GIT2: variants seen among roughly 807,000 people sequenced by gnomAD.
GIT2 encodes the protein ARF GTPase-activating protein GIT2.
In GIT2, 32 loss-of-function variants were observed where a neutral mutation model predicts 100.3. The observed-to-expected ratio is 0.32, with a 90% CI of 0.24 to 0.43. The LOEUF (loss-of-function observed/expected upper bound fraction) is 0.43, where lower values mean the gene tolerates loss of function less well. Ranked by LOEUF, GIT2 falls within the 20% of genes least tolerant of loss-of-function variation. GIT2 has a pLI of 1.00. For missense variants in GIT2, 737 were observed against 975.1 expected, an observed-to-expected ratio of 0.76 and a Z score of 3.25; for synonymous variants, 353 against 364.1, an observed-to-expected ratio of 0.97 and a Z score of 0.35.
intron 7 of GIT2, among the ~76,000 whole-genome samples, chr12:109,972,013 A>T (rs577614546): frequency 4.7e-4 from 50 of 107,098 alleles, no homozygotes; most frequent in Admixed American, 1.7e-3. Flanking sequence ...AAAAAAAAAT[A>T]TATATATATA....
At chr12:109,994,357 G>A (rs1450778131) in intron 1 of GIT2, among the ~76,000 whole-genome samples, 1 of 152,140 alleles carries the variant, frequency 6.6e-6, no homozygotes, top group Non-Finnish European at 1.5e-5. Context: ...CTTCAAAAAT[G>A]TTTGTGACTC....
Position 109,969,413 on chromosome 12 carries a change from T to C in GIT2, c.719-1910A>G, listed in dbSNP as rs372258807. ...AACTTCAGACCTCTGGTGATCCACC[T>C]GCCTTGGCCTCCCAAAGTGCTGGGA... On this transcript the variant is annotated intron_variant, in intron 7 of 19. Coordinates refer to ENST00000355312, the MANE Select transcript of GIT2 (RefSeq NM_057169.5). Among the ~76,000 whole-genome samples the C allele has an allele frequency of 1.6e-4, 24 of 152,310 alleles. 1 individual carries two copies. The highest frequency in any genetic ancestry group is 5.8e-4 in the African/African-American group (24 of 41,582).
At chr12:109,959,314 T>C (rs11069060) in intron 12 of GIT2, among the ~76,000 whole-genome samples, 28,566 of 151,956 alleles carry the variant, frequency 0.19, 4,941 homozygotes, top group African/African-American at 0.47. Flanking sequence ...GTGATCCACC[T>C]GCCTCGGCCT....
chr12:109,949,817 T>C (rs1055637692), intron 14 of GIT2, among the ~76,000 whole-genome samples: 4 of 152,242 alleles, frequency 2.6e-5, no homozygotes, highest in African/African-American at 9.6e-5. Flanking sequence ...AAAATCAGCA[T>C]GTTTCAGAAA....
chr12:109,995,964 G>A (rs375917675), intron 1 of GIT2: 68 of 474,536 alleles, frequency 1.4e-4, no homozygotes, highest in East Asian at 7.8e-4. Context: ...GAACGAGAGG[G>A]AAGGGAGGGC....
At chr12:109,982,657 T>A (rs1886541258) in intron 6 of GIT2, 1 of 151,108 alleles carries the variant, frequency 6.6e-6, no homozygotes, top group South Asian at 2.1e-4. Flanking sequence ...TTTTTTTTTT[T>A]TGAGACAGAG....
intron 12 of GIT2, among the ~76,000 whole-genome samples, chr12:109,957,546 G>A (rs1159088755): frequency 6.8e-6 from 1 of 146,572 alleles, no homozygotes; most frequent in Non-Finnish European, 1.5e-5. Context: ...TTGCTCTGTC[G>A]CCCAGGCTAG....
chr12:109,981,203 T>G, intron 6 of GIT2, 157 bp from the exon 7 acceptor site: 1 of 612,432 alleles, frequency 1.6e-6, no homozygotes, highest in Non-Finnish European at 2.9e-6. Flanking sequence ...TGAAGTCTAC[T>G]TTGCATCCCA....
intron 1 of GIT2, among the ~76,000 whole-genome samples, chr12:109,994,486 C>T (rs543059631): frequency 6.6e-6 from 1 of 152,268 alleles, no homozygotes; most frequent in South Asian, 2.1e-4. Context: ...TAGGGCTGTG[C>T]AGAAAAGGCA....
chr12:109,941,638 C>T (rs1364682432), intron 16 of GIT2, among the ~76,000 whole-genome samples: 3 of 151,742 alleles, frequency 2.0e-5, no homozygotes, highest in East Asian at 1.9e-4. Context: ...TCTCCTGCCT[C>T]GGCCCCCTGA....
rs553496299 is a variant in GIT2, at chr12:109,961,113, T to C, written c.987+165A>G. ...ATATTCTTTCCCAGTCATTTATTTA[T>C]AGTCTATTGTTTTTCTTATCAATTT... On this transcript the variant is annotated intron_variant, in intron 11 of 19. Coordinates refer to ENST00000355312, the MANE Select transcript of GIT2 (RefSeq NM_057169.5). 2.6e-5 allele frequency among the ~76,000 whole-genome samples: 4 copies of C among 152,364 alleles called. No homozygotes were observed. In the East Asian group the frequency reaches 5.8e-4, roughly 22 times the overall value.
rs912995007 is a variant in GIT2 at position 109,996,183 on chromosome 12, G to A, written c.42C>T (p.Cys14=). 2 of 1,524,628 alleles carry A rather than the reference G, an allele frequency of 1.3e-6. No individual in the cohort carries two copies. The highest frequency in any genetic ancestry group is 1.4e-5 in the African/African-American group (1 of 70,056). The allele number at this position is 1,524,628 out of a possible 1,614,324, so 94.4% of individuals were successfully genotyped here. A position where few individuals can be genotyped will look rare whatever the true frequency, so the allele number is the denominator to read the frequency against. The stretch of plus-strand genomic sequence containing the variant: ...GCCGGTGCGACTCACCCGGCCCGCT[G>A]CAGTCAGCGCACACCTCGCTGCTCC... The part of the protein sequence containing the change: ...RLRSSEVCAD[C]SGPDPSWASV... The change falls in exon 1 of 20, where the codon TGC becomes TGT. Residue 14 remains cysteine, a synonymous_variant. Coordinates refer to ENST00000355312, the MANE Select transcript of GIT2 (RefSeq NM_057169.5).
rs201881445 is a variant in GIT2 at position 109,983,680 on chromosome 12, G to A, written c.420C>T (p.Ser140=). Residue 140 remains serine (S), a synonymous_variant, in exon 5 of 20, where the codon AGC becomes AGT. Coordinates refer to ENST00000355312, the MANE Select transcript of GIT2 (RefSeq NM_057169.5). ...AGGTTTCAAGATTCCCTGTTCTCAC[G>A]CTCGAATGGAGTTGCTGAAAAACGC... ...AKDLSKQLHS[S]VRTGNLETCL... 187 of 1,611,148 alleles carry A rather than the reference G, an allele frequency of 1.2e-4. No homozygotes were observed. Among genetic ancestry groups the A allele is most frequent in the Non-Finnish European group, 1.4e-4 (170 of 1,177,864 alleles).
At position 109,930,079 on chromosome 12, in the gene GIT2, G is replaced by A. The variant is rs967552014; in HGVS notation, c.*2899C>T. 1.3e-5 allele frequency: 2 copies of A among 152,590 alleles called. No homozygotes were observed. Among genetic ancestry groups the A allele is most frequent in the African/African-American group, 4.8e-5 (2 of 41,454 alleles). The allele number at this position is 152,590 out of a possible 1,614,324, so 9.5% of individuals were successfully genotyped here. A position where few individuals can be genotyped will look rare whatever the true frequency, so the allele number is the denominator to read the frequency against. On this transcript the variant is annotated 3_prime_UTR_variant, in exon 20 of 20. Transcript: ENST00000355312. The stretch of plus-strand genomic sequence containing the variant: ...GGTGCCATTGAGGACAAAAACAGGC[G>A]AGTTTTGCTCTTGGTTCTGCAACTG...
chr12:109,960,053 C>A, intron 11 of GIT2, 95 bp from the exon 12 acceptor site: 1 of 787,966 alleles, frequency 1.3e-6, no homozygotes, highest in Non-Finnish European at 2.2e-6. Context: ...CAGACTTCTG[C>A]AAATACTTTC....
intron 18 of GIT2, among the ~76,000 whole-genome samples, chr12:109,935,393 G>GT (rs1007404530): frequency 3.7e-4 from 55 of 149,936 alleles, no homozygotes; most frequent in Middle Eastern, 3.4e-3. Flanking sequence ...CCACACTGAA[G>GT]TTTTTTTTTT....
intron 9 of GIT2, among the ~76,000 whole-genome samples, chr12:109,964,942 G>A (rs1881955492): frequency 6.6e-6 from 1 of 152,134 alleles, no homozygotes; most frequent in African/African-American, 2.4e-5. Context: ...AGGCTGAGGT[G>A]GGCAGTCTGG....
chr12:109,976,771 T>C (rs111233513), intron 7 of GIT2, among the ~76,000 whole-genome samples: 6,513 of 151,676 alleles, frequency 0.043, 225 homozygotes, highest in African/African-American at 0.098. Context: ...GTAGTTTTAG[T>C]AGAGACAGGG....
intron 14 of GIT2, chr12:109,950,822 C>T (rs1877641853): frequency 4.9e-6 from 1 of 205,828 alleles, no homozygotes; most frequent in South Asian, 9.3e-5. Flanking sequence ...CTCTCATTGG[C>T]TCTGTCTCCA....
Sources: allele counts gnomAD v4.1 joint callset (sites outside exome capture counted in the v4.1 genomes callset), GRCh38; gene constraint gnomAD v4.1.1; transcripts MANE v1.5; gene names NCBI Gene and HGNC (gene_info 2026-07-23, HGNC 2026-07-21).